The following PAIP1 variants were observed in gnomAD, a reference collection of about 807,000 sequenced individuals.
The protein encoded by PAIP1 is polyadenylate-binding protein-interacting protein 1.
A neutral mutation model predicts 61.3 loss-of-function variants in PAIP1; 16 were observed. That is an observed-to-expected ratio of 0.26 (90% confidence interval 0.18 to 0.40). The LOEUF (loss-of-function observed/expected upper bound fraction) is 0.40. Among genes scored for constraint, PAIP1 ranks in the 10% least tolerant of loss-of-function variants. The pLI is 1.00. For missense variants in PAIP1, 416 were observed against 600.9 expected (o/e 0.69, Z 3.22); for synonymous variants, 187 against 226.2 (o/e 0.83, Z 1.56).
chr5:43,535,519 T>C lies in PAIP1; in HGVS notation c.1079+15A>G, dbSNP rs1747109049. ...ATTGAGATGCACTGGCTATTTACATTACTTCTTTTCCTACCTACTGCAGTT... is the reference window on the plus strand; with the variant it reads ...ATTGAGATGCACTGGCTATTTACATCACTTCTTTTCCTACCTACTGCAGTT... On this transcript the variant is annotated intron_variant, in intron 7 of 10. Coordinates refer to ENST00000306846, the MANE Select transcript of PAIP1 (RefSeq NM_006451.5). 1.5e-6 allele frequency: 2 copies of C among 1,366,634 alleles called. No homozygotes were observed. Among genetic ancestry groups the C allele is most frequent in the Middle Eastern group, 2.5e-4 (1 of 3,984 alleles). The allele number at this position is 1,366,634 out of a possible 1,614,324, so 84.7% of individuals were successfully genotyped here.
chr5:43,544,115 T>G (rs1043892075), intron 3 of PAIP1, among the ~76,000 whole-genome samples: 6 of 138,728 alleles, frequency 4.3e-5, no homozygotes, highest in Non-Finnish European at 7.6e-5. Context: ...TGCACTCTAG[T>G]CTGGGTGACA....
chr5:43,543,258 G>T, intron 3 of PAIP1, 142 bp from the exon 4 acceptor site: 14 of 251,086 alleles, frequency 5.6e-5, no homozygotes, highest in East Asian at 7.2e-5. Flanking sequence ...TAGGCTTAAG[G>T]AAATTAAATT....
rs1020072500 is a variant in PAIP1 at position 43,538,402 on chromosome 5, C to T, written c.846+522G>A. Among the ~76,000 whole-genome samples the T allele has an allele frequency of 5.3e-5, 8 of 152,118 alleles. No individual in the cohort carries two copies. In the East Asian group the frequency reaches 1.2e-3, roughly 22 times the overall value. ...CATATGTTAAATAGCTTGATTTAGC[C>T]ATTCTACGATGTATGCATATATCAA... On this transcript the variant is annotated intron_variant, in intron 5 of 10. Transcript: ENST00000306846.
chr5:43,556,022 G>C, intron 1 of PAIP1, 23 bp from the exon 2 acceptor site: 1 of 1,602,722 alleles, frequency 6.2e-7, no homozygotes, highest in Non-Finnish European at 8.5e-7. Flanking sequence ...AAAAAACGGG[G>C]CGTCAGATGC....
chr5:43,534,794 T>C (rs532092300), intron 8 of PAIP1, 59 bp downstream of exon 8: 4 of 922,442 alleles, frequency 4.3e-6, no homozygotes, highest in Admixed American at 1.7e-5. Flanking sequence ...GTAGCTCTTC[T>C]AATTTCCAAA....
At chr5:43,528,814 C>G (rs904907900) in intron 10 of PAIP1, among the ~76,000 whole-genome samples, 2 of 152,032 alleles carry the variant, frequency 1.3e-5, no homozygotes, top group African/African-American at 4.8e-5. Context: ...AACTAAGTAG[C>G]CTGTCCAAAT....
At chr5:43,548,645 G>C (rs1045929514) in intron 2 of PAIP1, among the ~76,000 whole-genome samples, 4 of 152,148 alleles carry the variant, frequency 2.6e-5, no homozygotes, top group African/African-American at 9.7e-5. Flanking sequence ...GGCTGAGTGG[G>C]CGAGTTTTAC....
intron 3 of PAIP1, among the ~76,000 whole-genome samples, chr5:43,546,308 T>G (rs751743313): frequency 1.3e-5 from 2 of 152,364 alleles, no homozygotes; most frequent in East Asian, 3.9e-4. Context: ...GCCTACTGAA[T>G]AACTGAAACT....
At chr5:43,541,380 C>T (rs1314039327) in intron 4 of PAIP1, among the ~76,000 whole-genome samples, 1 of 140,366 alleles carries the variant, frequency 7.1e-6, no homozygotes, top group Non-Finnish European at 1.5e-5. Flanking sequence ...CCTCAATCTC[C>T]TGAACTCGTG....
Position 43,557,009 on chromosome 5 carries a change from G to T in PAIP1, c.-163C>A, listed in dbSNP as rs372953613. ...GGCTCGGCTGCTCGGTGCTTCTGGC[G>T]GAGCGGACGGCAGCCCGAGCACCCG... On this transcript the variant is annotated 5_prime_UTR_variant, in exon 1 of 11. Coordinates refer to ENST00000306846, the MANE Select transcript of PAIP1 (RefSeq NM_006451.5). The T allele has an allele frequency of 7.1e-5, 84 of 1,189,186 alleles. No homozygotes were observed. In the East Asian group the frequency reaches 2.4e-3, roughly 34 times the overall value. The allele number at this position is 1,189,186 out of a possible 1,614,324, so 73.7% of individuals were successfully genotyped here.
intron 1 of PAIP1, chr5:43,556,226 G>C (rs995546341): frequency 3.9e-6 from 5 of 1,295,072 alleles, no homozygotes; most frequent in Non-Finnish European, 4.9e-6. Flanking sequence ...GAGTGCTTGC[G>C]AGCTTTTTTC....
At chr5:43,552,127 C>T (rs1747889378) in intron 2 of PAIP1, among the ~76,000 whole-genome samples, 1 of 152,028 alleles carries the variant, frequency 6.6e-6, no homozygotes, top group African/African-American at 2.4e-5. Context: ...GAGATGAGAA[C>T]CTATTACAGA....
chr5:43,545,856 G>A (rs574122421), intron 3 of PAIP1, among the ~76,000 whole-genome samples: 12 of 151,250 alleles, frequency 7.9e-5, no homozygotes, highest in East Asian at 3.9e-4. Context: ...TGCAACCTCC[G>A]CCTCCCGGGT....
chr5:43,539,087 G>A, intron 4 of PAIP1, 52 bp from the exon 5 acceptor site: 1 of 1,179,862 alleles, frequency 8.5e-7, no homozygotes, highest in Non-Finnish European at 1.3e-6. Flanking sequence ...TTTTTAAATA[G>A]TCAAACAAAA....
intron 1 of PAIP1, 47 bp from the exon 2 acceptor site, chr5:43,556,046 T>C (rs1748049581): frequency 6.3e-7 from 1 of 1,583,014 alleles, no homozygotes; most frequent in South Asian, 1.2e-5. Flanking sequence ...CTTTCCTTTG[T>C]ACAGCAACTT....
chr5:43,530,652 T>G (rs1396298004), intron 9 of PAIP1, among the ~76,000 whole-genome samples: 1 of 152,212 alleles, frequency 6.6e-6, no homozygotes, highest in African/African-American at 2.4e-5. Context: ...TGGGGACATT[T>G]TGATACCCAA....
At chr5:43,533,604 C>T (rs376346178) in intron 9 of PAIP1, 134 bp downstream of exon 9, 1 of 721,888 alleles carries the variant, frequency 1.4e-6, no homozygotes, top group Non-Finnish European at 2.5e-6. Flanking sequence ...TTAGACAAAC[C>T]ATTACACTGG....
chr5:43,556,820 T>C lies in PAIP1; in HGVS notation c.27A>G (p.Pro9=). The C allele has an allele frequency of 1.4e-6, 2 of 1,452,204 alleles. No homozygotes were observed. Among genetic ancestry groups the C allele is most frequent in the African/African-American group, 1.5e-5 (1 of 67,236 alleles). The allele number at this position is 1,452,204 out of a possible 1,614,324, so 90.0% of individuals were successfully genotyped here. ...CCCGGCTCCGGCCCCGACCAGCACCTGGGGCCCGATCGAAACCGTCCGACA... is the reference window on the plus strand; with the variant it reads ...CCCGGCTCCGGCCCCGACCAGCACCCGGGGCCCGATCGAAACCGTCCGACA... The part of the protein sequence containing the change: MSDGFDRA[P]GAGRGRSRGL... Residue 9 remains proline, a synonymous_variant, in exon 1 of 11, where the codon CCA becomes CCG. Coordinates refer to ENST00000306846, the MANE Select transcript of PAIP1 (RefSeq NM_006451.5).
intron 8 of PAIP1, 104 bp from the exon 9 acceptor site, chr5:43,533,896 G>T: frequency 2.8e-6 from 2 of 705,910 alleles, no homozygotes; most frequent in South Asian, 1.6e-5. Context: ...ACCTAATAAT[G>T]CAAGAACAAG....
Sources: gnomAD v4.1 joint callset for allele counts (sites outside exome capture counted in the v4.1 genomes callset) on GRCh38, gnomAD v4.1.1 for gene constraint, MANE v1.5 for transcripts, NCBI Gene and HGNC (gene_info 2026-07-23, HGNC 2026-07-21) for gene names.